The following CLYBL variants were observed in gnomAD, a reference collection of about 807,000 sequenced individuals.
CLYBL encodes the protein citramalyl-CoA lyase, mitochondrial.
A neutral mutation model predicts 38.9 loss-of-function variants in CLYBL; 31 were observed. The ratio of observed to expected loss-of-function variants is 0.80; its 90% CI spans 0.60 to 1.08. The LOEUF is 1.08. Ranked by LOEUF, CLYBL falls within the 50% of genes least tolerant of loss-of-function variation. CLYBL has a pLI of 0.00. For synonymous variants in CLYBL, 171 were observed against 158.6 expected (o/e 1.08, Z -0.59); for missense variants, 434 against 411.6 (o/e 1.05, Z -0.47).
At chr13:99,813,847 A>G (rs2050389912) in intron 2 of CLYBL, among the ~76,000 whole-genome samples, 2 of 152,150 alleles carry the variant, frequency 1.3e-5, no homozygotes, top group South Asian at 4.1e-4. Context: ...TGCCTCTGAG[A>G]ATCACATCAT....
At chr13:99,731,929 G>A (rs545038128) in intron 1 of CLYBL, among the ~76,000 whole-genome samples, 2 of 152,260 alleles carry the variant, frequency 1.3e-5, no homozygotes, top group South Asian at 4.1e-4. Flanking sequence ...TTCTCCCCTG[G>A]AGGCTGATGT....
At chr13:99,715,359 G>C (rs2048296257) in intron 1 of CLYBL, among the ~76,000 whole-genome samples, 1 of 152,012 alleles carries the variant, frequency 6.6e-6, no homozygotes, top group Non-Finnish European at 1.5e-5. Context: ...TTTTGGAATG[G>C]GACAGGTTAA....
intron 1 of CLYBL, among the ~76,000 whole-genome samples, chr13:99,704,268 A>G (rs956272497): frequency 3.3e-5 from 5 of 152,126 alleles, no homozygotes; most frequent in Non-Finnish European, 5.9e-5. Flanking sequence ...TATTACTTTG[A>G]TGGTTTCATT....
chr13:99,616,143 CT>C (rs34142988), intron 1 of CLYBL, among the ~76,000 whole-genome samples: 16,644 of 83,454 alleles, frequency 0.2, 1,319 homozygotes, highest in African/African-American at 0.27. Context: ...CCACGCCTGG[CT>C]TTTTTTTTTT....
intron 1 of CLYBL, among the ~76,000 whole-genome samples, chr13:99,660,808 A>G (rs1271889871): frequency 6.6e-6 from 1 of 152,178 alleles, no homozygotes; most frequent in Non-Finnish European, 1.5e-5. Context: ...TTTCAATCAC[A>G]GGCAAGGATA....
At chr13:99,729,831 G>A (rs757549737) in intron 1 of CLYBL, among the ~76,000 whole-genome samples, 11 of 152,230 alleles carry the variant, frequency 7.2e-5, no homozygotes, top group Non-Finnish European at 1.2e-4. Context: ...TGCCACCGTC[G>A]GCCCTGTGGC....
At chr13:99,713,009 T>C (rs1018172736) in intron 1 of CLYBL, among the ~76,000 whole-genome samples, 3 of 152,112 alleles carry the variant, frequency 2.0e-5, no homozygotes, top group African/African-American at 7.2e-5. Flanking sequence ...TCTGAAGAGG[T>C]CTTTGGTGTT....
chr13:99,715,007 G>T (rs1255887448), intron 1 of CLYBL, among the ~76,000 whole-genome samples: 1 of 152,110 alleles, frequency 6.6e-6, no homozygotes, highest in Non-Finnish European at 1.5e-5. Flanking sequence ...AGAGTTATTT[G>T]TGTATGGAAC....
At chr13:99,808,345 C>G (rs2050273646) in intron 2 of CLYBL, among the ~76,000 whole-genome samples, 1 of 152,096 alleles carries the variant, frequency 6.6e-6, no homozygotes, top group Non-Finnish European at 1.5e-5. Flanking sequence ...CTCGGCCTCC[C>G]AAAGTGCTGA....
chr13:99,887,521 G>A (rs1419561550), intron 7 of CLYBL, among the ~76,000 whole-genome samples: 1 of 152,222 alleles, frequency 6.6e-6, no homozygotes, highest in Non-Finnish European at 1.5e-5. Flanking sequence ...CACTCTGGGA[G>A]GCCGAGGCAG....
intron 1 of CLYBL, among the ~76,000 whole-genome samples, chr13:99,743,975 T>C (rs1457684030): frequency 3.6e-5 from 5 of 138,494 alleles, no homozygotes; most frequent in East Asian, 2.0e-4. Flanking sequence ...TCTTTTTTTT[T>C]TTTTTTTTTT....
chr13:99,789,640 A>G (rs1224936647), intron 2 of CLYBL, among the ~76,000 whole-genome samples: 1 of 152,128 alleles, frequency 6.6e-6, no homozygotes, highest in East Asian at 1.9e-4. Context: ...TTTTGGAATA[A>G]GTGTGATGTG....
intron 1 of CLYBL, among the ~76,000 whole-genome samples, chr13:99,630,814 T>C (rs1221344518): frequency 6.6e-6 from 1 of 152,188 alleles, no homozygotes; most frequent in Non-Finnish European, 1.5e-5. Context: ...ACATTCATAT[T>C]ATCATGAGGA....
At chr13:99,634,828 G>T (rs1817583790) in intron 1 of CLYBL, among the ~76,000 whole-genome samples, 1 of 152,196 alleles carries the variant, frequency 6.6e-6, no homozygotes, top group Non-Finnish European at 1.5e-5. Flanking sequence ...TACTCTGTTA[G>T]CAGGACACTG....
chr13:99,864,690 C>CGTTTTTAGGACT, intron 4 of CLYBL, 128 bp from the exon 5 acceptor site: 1 of 675,902 alleles, frequency 1.5e-6, no homozygotes, highest in Non-Finnish European at 2.7e-6. Flanking sequence ...ATTTGGGCTG[C>CGTTTTTAGGACT]GTTTTTAGGA....
At chr13:99,882,657 C>T (rs1457669514) in intron 7 of CLYBL, among the ~76,000 whole-genome samples, 1 of 151,232 alleles carries the variant, frequency 6.6e-6, no homozygotes, top group African/African-American at 2.4e-5. Context: ...GGAGTGAGAC[C>T]CTGTCTCAAA....
At chr13:99,903,210 A>G (rs2052660189) in intron 8 of CLYBL, among the ~76,000 whole-genome samples, 1 of 152,244 alleles carries the variant, frequency 6.6e-6, no homozygotes, top group South Asian at 2.1e-4. Context: ...CATGGTCTTC[A>G]ATAAGGAGGG....
intron 2 of CLYBL, among the ~76,000 whole-genome samples, chr13:99,775,815 C>T (rs1288339143): frequency 6.6e-6 from 1 of 151,212 alleles, no homozygotes; most frequent in Non-Finnish European, 1.5e-5. Context: ...GGCCAAAATT[C>T]TCTTTTTCAT....
intron 1 of CLYBL, among the ~76,000 whole-genome samples, chr13:99,737,249 G>A (rs1410873267): frequency 2.0e-5 from 3 of 152,126 alleles, no homozygotes; most frequent in Non-Finnish European, 4.4e-5. Context: ...TGCCTGCCAT[G>A]GTGTTCCAGG....
Sources: gnomAD v4.1 joint callset for allele counts (sites outside exome capture counted in the v4.1 genomes callset) on GRCh38, gnomAD v4.1.1 for gene constraint, MANE v1.5 for transcripts, NCBI Gene and HGNC (gene_info 2026-07-23, HGNC 2026-07-21) for gene names.